Variants in MGRN1 observed in about 807,000 individuals in gnomAD.
MGRN1 encodes E3 ubiquitin-protein ligase MGRN1.
Under a neutral mutation model 69.2 loss-of-function variants are expected in MGRN1, and 29 were observed. The ratio of observed to expected loss-of-function variants is 0.42; its 90% CI spans 0.31 to 0.57. The LOEUF (loss-of-function observed/expected upper bound fraction) is 0.57, where lower values mean the gene tolerates loss of function less well. Ranked by LOEUF, MGRN1 falls within the 20% of genes least tolerant of loss-of-function variation. MGRN1 has a pLI of 0.15. For missense variants in MGRN1, 998 were observed against 796.2 expected, an observed-to-expected ratio of 1.25 and a Z score of -3.05; for synonymous variants, 470 against 344.2, an observed-to-expected ratio of 1.37 and a Z score of -4.04.
intron 7 of MGRN1, among the ~76,000 whole-genome samples, chr16:4,666,061 C>T (rs59640193): frequency 0.38 from 57,474 of 151,536 alleles, 12,607 homozygotes; most frequent in East Asian, 0.64. Flanking sequence ...CGATCTCCTG[C>T]CTCTTGATCC....
intron 10 of MGRN1, among the ~76,000 whole-genome samples, chr16:4,676,732 C>A (rs1186192504): frequency 2.6e-5 from 4 of 152,170 alleles, no homozygotes; most frequent in African/African-American, 9.7e-5. Flanking sequence ...TCTACAGCAG[C>A]CTGTGGGGCC....
At position 4,651,565 on chromosome 16, in the gene MGRN1, G is replaced by C. The variant is rs139572003; in HGVS notation, c.208-398G>C. Among the ~76,000 whole-genome samples the C allele has an allele frequency of 3.2e-3, 483 of 152,202 alleles. 1 individual carries two copies. Among genetic ancestry groups the C allele is most frequent in the African/African-American group, 0.011 (461 of 41,534 alleles). On this transcript the variant is annotated intron_variant, in intron 2 of 16. Coordinates refer to ENST00000262370, the MANE Select transcript of MGRN1 (RefSeq NM_015246.4). ...GAGGCCGGAAGAGCCAGTAAACTTT[G>C]GGGGCCCTGGGGCGGGTTGCTGAGC...
At chr16:4,632,007 CTTTT>C (rs869090061) in intron 1 of MGRN1, among the ~76,000 whole-genome samples, 780 of 64,774 alleles carry the variant, frequency 0.012, 2 homozygotes, top group African/African-American at 0.052. Flanking sequence ...AAAAAATTTC[CTTTT>C]TTTTTTTTTT....
At chr16:4,635,491 A>G (rs1306396895) in intron 1 of MGRN1, among the ~76,000 whole-genome samples, 4 of 151,738 alleles carry the variant, frequency 2.6e-5, no homozygotes, top group Admixed American at 6.6e-5. Flanking sequence ...TTTTTTCGAG[A>G]CAGAGTCTTG....
At chr16:4,687,936 G>A in intron 16 of MGRN1, 4 of 985,660 alleles carry the variant, frequency 4.1e-6, no homozygotes, top group Non-Finnish European at 3.6e-6. Context: ...GAAACAGTCA[G>A]CACCTTTCAG....
At chr16:4,683,399 C>A in intron 15 of MGRN1, 130 bp downstream of exon 15, 1 of 1,108,930 alleles carries the variant, frequency 9.0e-7, no homozygotes, top group South Asian at 1.5e-5. Flanking sequence ...GCCAAGAGGC[C>A]CCCCTCGGCG....
intron 1 of MGRN1, among the ~76,000 whole-genome samples, chr16:4,629,150 A>ATGTGTGTGTGTGTGTG (rs377682804): frequency 4.8e-4 from 61 of 127,688 alleles, no homozygotes; most frequent in Non-Finnish European, 7.5e-4. Flanking sequence ...TTCTGTTCGT[A>ATGTGTGTGTGTGTGTG]TGTGTGTGTG....
At chr16:4,667,754 G>C (rs1453018375) in intron 7 of MGRN1, among the ~76,000 whole-genome samples, 3 of 152,270 alleles carry the variant, frequency 2.0e-5, no homozygotes, top group Non-Finnish European at 2.9e-5. Flanking sequence ...ATACCGCCGG[G>C]TGTGCTTGTT....
At chr16:4,651,828 C>T in intron 2 of MGRN1, 135 bp from the exon 3 acceptor site, 1 of 757,736 alleles carries the variant, frequency 1.3e-6, no homozygotes. Context: ...GAGAACAGTG[C>T]ACCCAGTATA....
intron 1 of MGRN1, among the ~76,000 whole-genome samples, chr16:4,628,535 C>T (rs1223870825): frequency 1.3e-5 from 2 of 152,126 alleles, no homozygotes; most frequent in South Asian, 2.1e-4. Flanking sequence ...ACCCTCAGCC[C>T]ATCAGCGATC....
At chr16:4,641,324 C>T (rs1326592788) in intron 1 of MGRN1, among the ~76,000 whole-genome samples, 1 of 151,940 alleles carries the variant, frequency 6.6e-6, no homozygotes, top group Non-Finnish European at 1.5e-5. Context: ...GTGTGGATAC[C>T]CATGTGTGAG....
chr16:4,679,514 G>T (rs2141970044), intron 11 of MGRN1, among the ~76,000 whole-genome samples: 1 of 148,936 alleles, frequency 6.7e-6, no homozygotes, highest in South Asian at 2.2e-4. Context: ...GCCACCGTGG[G>T]TGTTCTCTCC....
chr16:4,625,047 C>G lies in MGRN1; in HGVS notation c.87C>G (p.Ser29=). 6.5e-7 allele frequency: 1 copy of G among 1,543,218 alleles called. No individual in the cohort carries two copies. Among genetic ancestry groups the G allele is most frequent in the South Asian group, 1.2e-5 (1 of 83,564 alleles). The stretch of plus-strand genomic sequence containing the variant: ...CGGCCTATCGCTACCCTCCGAAGTC[C>G]GGTGAGCGCCCGGCCCCAGGCGCGG... ...ANSAYRYPPK[S]GNYFASHFFM... is the part of the protein sequence containing the mutation. The change falls in exon 1 of 17, where the codon TCC becomes TCG. Residue 29 remains serine (S), a splice_region_variant and synonymous_variant. Coordinates refer to ENST00000262370, the MANE Select transcript of MGRN1 (RefSeq NM_015246.4).
chr16:4,642,371 C>G (rs1041728333), intron 1 of MGRN1, among the ~76,000 whole-genome samples: 6 of 152,012 alleles, frequency 3.9e-5, no homozygotes, highest in Non-Finnish European at 8.8e-5. Context: ...GATCTCCGCT[C>G]ACGGTAACCT....
intron 16 of MGRN1, among the ~76,000 whole-genome samples, chr16:4,685,269 GA>G (rs1394749271): frequency 2.0e-5 from 3 of 152,366 alleles, no homozygotes; most frequent in East Asian, 3.9e-4. Context: ...CATGATATCT[GA>G]TCCTGCAGGG....
At chr16:4,686,515 G>A (rs1435390078) in intron 16 of MGRN1, 6 of 1,374,918 alleles carry the variant, frequency 4.4e-6, no homozygotes, top group Admixed American at 3.3e-5. Context: ...CCTGACTTTC[G>A]GGGCCAGAGG....
At chr16:4,663,141 G>A (rs1187516402) in intron 5 of MGRN1, among the ~76,000 whole-genome samples, 1 of 151,970 alleles carries the variant, frequency 6.6e-6, no homozygotes, top group Non-Finnish European at 1.5e-5. Context: ...TCGGCTCACT[G>A]CAATCTCCGC....
intron 16 of MGRN1, chr16:4,686,650 G>A: frequency 8.9e-7 from 1 of 1,120,034 alleles, no homozygotes; most frequent in East Asian, 5.8e-5. Context: ...GTCCACTGCG[G>A]GAGGCAGGAG....
intron 16 of MGRN1, among the ~76,000 whole-genome samples, chr16:4,686,042 A>AGG (rs765671735): frequency 1.1e-4 from 17 of 151,630 alleles, no homozygotes; most frequent in Non-Finnish European, 1.9e-4. Flanking sequence ...GAGGTATGGG[A>AGG]GGGAGGGGCA....
Sources: gnomAD v4.1 joint callset for allele counts (sites outside exome capture counted in the v4.1 genomes callset) on GRCh38, gnomAD v4.1.1 for gene constraint, MANE v1.5 for transcripts, NCBI Gene and HGNC (gene_info 2026-07-23, HGNC 2026-07-21) for gene names.